Variants in PTPRD observed in about 807,000 individuals in gnomAD.
PTPRD encodes receptor-type tyrosine-protein phosphatase delta.
In PTPRD, 34 loss-of-function variants were observed where a neutral mutation model predicts 214.5. The ratio of observed to expected loss-of-function variants is 0.16; its 90% CI spans 0.12 to 0.21. The LOEUF (loss-of-function observed/expected upper bound fraction) is 0.21. Among genes scored for constraint, PTPRD ranks in the 10% least tolerant of loss-of-function variants. The probability of loss-of-function intolerance (pLI) is 1.00; values close to 1 mark genes in which losing one functional copy is unlikely to be tolerated. For missense variants in PTPRD, 2,545 were observed against 2,398.7 expected (o/e 1.06, Z -1.27); for synonymous variants, 1,128 against 845.7 (o/e 1.33, Z -5.79).
At chr9:9,374,757 G>A (rs781578016) in intron 9 of PTPRD, among the ~76,000 whole-genome samples, 1 of 152,152 alleles carries the variant, frequency 6.6e-6, no homozygotes, top group African/African-American at 2.4e-5. Context: ...ACCAGCCTGA[G>A]AGTGCCCCAG....
At chr9:9,299,559 G>A (rs1179177693) in intron 9 of PTPRD, among the ~76,000 whole-genome samples, 3 of 151,664 alleles carry the variant, frequency 2.0e-5, no homozygotes, top group Non-Finnish European at 4.4e-5. Context: ...GCTATGGACT[G>A]CAGATTATTT....
At chr9:8,600,896 A>C (rs1260881084) in intron 14 of PTPRD, among the ~76,000 whole-genome samples, 3 of 151,958 alleles carry the variant, frequency 2.0e-5, no homozygotes, top group Non-Finnish European at 4.4e-5. Flanking sequence ...AAAAATAAAA[A>C]AGAAACTTTG....
intron 4 of PTPRD, among the ~76,000 whole-genome samples, chr9:10,015,072 A>G (rs554423921): frequency 6.6e-6 from 1 of 152,286 alleles, no homozygotes; most frequent in Admixed American, 6.5e-5. Context: ...TCTTACTCAC[A>G]GGTATGGAAC....
intron 4 of PTPRD, among the ~76,000 whole-genome samples, chr9:10,010,582 C>T (rs10738145): frequency 0.48 from 73,063 of 151,532 alleles, 21,022 homozygotes; most frequent in Middle Eastern, 0.67. Flanking sequence ...CCATGCACAG[C>T]ACTCAGGCAA....
At chr9:10,395,768 A>C (rs575880599) in intron 2 of PTPRD, among the ~76,000 whole-genome samples, 1 of 152,044 alleles carries the variant, frequency 6.6e-6, no homozygotes, top group South Asian at 2.1e-4. Context: ...CCTAGTTTTA[A>C]ATACCTGAAT....
chr9:9,025,233 T>G (rs2099583019), intron 10 of PTPRD, among the ~76,000 whole-genome samples: 1 of 151,998 alleles, frequency 6.6e-6, no homozygotes, highest in South Asian at 2.1e-4. Context: ...TTCTTGACAT[T>G]TTTTCTAAAG....
chr9:10,551,099 C>T (rs1168440744), intron 2 of PTPRD, among the ~76,000 whole-genome samples: 1 of 152,090 alleles, frequency 6.6e-6, no homozygotes, highest in African/African-American at 2.4e-5. Context: ...TTTGAAAAGC[C>T]AAAGTGGGAG....
At chr9:9,786,138 C>G (rs1003879975) in intron 5 of PTPRD, among the ~76,000 whole-genome samples, 1 of 152,050 alleles carries the variant, frequency 6.6e-6, no homozygotes, top group Non-Finnish European at 1.5e-5. Flanking sequence ...TTTTTCATGT[C>G]TATTAGAGTA....
At chr9:9,224,897 G>C (rs2099958433) in intron 9 of PTPRD, among the ~76,000 whole-genome samples, 1 of 151,934 alleles carries the variant, frequency 6.6e-6, no homozygotes, top group Admixed American at 6.6e-5. Context: ...TCTACATGTT[G>C]TCTATGAACT....
intron 39 of PTPRD, among the ~76,000 whole-genome samples, chr9:8,370,034 A>G (rs953751868): frequency 2.6e-5 from 4 of 152,114 alleles, no homozygotes; most frequent in African/African-American, 9.7e-5. Flanking sequence ...AAAGTGGAAC[A>G]AAACGGCCTT....
chr9:8,332,954 C>CTGGGTAAGTGAACAGGG lies in PTPRD; in HGVS notation c.5380-1235_5380-1219dup, dbSNP rs1231342475. Among the ~76,000 whole-genome samples the CTGGGTAAGTGAACAGGG allele has an allele frequency of 2.0e-5, 3 of 152,238 alleles. No individual in the cohort carries two copies. The East Asian group carries it at 5.8e-4, about 30-fold the overall frequency. On this transcript the variant is annotated intron_variant, in intron 43 of 45. Transcript: ENST00000381196. ...TACACGTGTGCATGTTCCCAAGGTT[C>CTGGGTAAGTGAACAGGG]TGGGTAAGTGAACAGGGACTCAATC...
chr9:8,651,230 T>C (rs2096800392), intron 12 of PTPRD, among the ~76,000 whole-genome samples: 1 of 152,164 alleles, frequency 6.6e-6, no homozygotes, highest in Non-Finnish European at 1.5e-5. Flanking sequence ...ACGATGGATC[T>C]CTGCATTTTC....
At chr9:9,624,067 A>C (rs2095336620) in intron 7 of PTPRD, among the ~76,000 whole-genome samples, 1 of 152,198 alleles carries the variant, frequency 6.6e-6, no homozygotes, top group Non-Finnish European at 1.5e-5. Context: ...AGATCAACCA[A>C]TGACATGATC....
intron 2 of PTPRD, among the ~76,000 whole-genome samples, chr9:10,417,917 T>G (rs928075916): frequency 8.8e-5 from 13 of 147,008 alleles, no homozygotes; most frequent in South Asian, 4.3e-4. Context: ...ATCTAGATGG[T>G]TTTTTTTTTA....
rs960513103 is a variant in PTPRD, at chr9:9,906,557, T to C, written c.-368+31950A>G. Reference sequence around the variant, plus strand: ...AATAAATGCTTAATAAAGAAGTTAGTTGAAGACAGACATTCCTATGACACA... The same window carrying C: ...AATAAATGCTTAATAAAGAAGTTAGCTGAAGACAGACATTCCTATGACACA... On this transcript the variant is annotated intron_variant, in intron 5 of 45. Coordinates refer to ENST00000381196, the MANE Select transcript of PTPRD (RefSeq NM_002839.4). Among the ~76,000 whole-genome samples the C allele has an allele frequency of 3.9e-5, 6 of 152,114 alleles. No homozygotes were observed. The South Asian group carries it at 1.0e-3, about 26-fold the overall frequency.
chr9:9,021,750 T>G (rs987954237), intron 10 of PTPRD, among the ~76,000 whole-genome samples: 3 of 152,052 alleles, frequency 2.0e-5, no homozygotes, highest in Admixed American at 2.0e-4. Context: ...TCTTAATTTT[T>G]AGTAAAAAAA....
intron 5 of PTPRD, among the ~76,000 whole-genome samples, chr9:9,813,349 CTG>C (rs1053554108): frequency 1.3e-5 from 2 of 150,020 alleles, no homozygotes; most frequent in Non-Finnish European, 3.0e-5. Flanking sequence ...ATCAACAAAA[CTG>C]AGAGTTTCTA....
chr9:10,505,250 A>G (rs756518306), intron 2 of PTPRD, among the ~76,000 whole-genome samples: 3 of 152,214 alleles, frequency 2.0e-5, no homozygotes, highest in Non-Finnish European at 2.9e-5. Context: ...GTGCTGTTGC[A>G]GTCACTGGTG....
chr9:8,897,347 T>C (rs2098627872), intron 11 of PTPRD, among the ~76,000 whole-genome samples: 1 of 151,486 alleles, frequency 6.6e-6, no homozygotes, highest in South Asian at 2.1e-4. Context: ...GGTCAGAAGG[T>C]ATGGATTGAG....
Sources: gnomAD v4.1 joint callset for allele counts (sites outside exome capture counted in the v4.1 genomes callset) on GRCh38, gnomAD v4.1.1 for gene constraint, MANE v1.5 for transcripts, NCBI Gene and HGNC (gene_info 2026-07-23, HGNC 2026-07-21) for gene names.